MYLK: variants seen among roughly 807,000 people sequenced by gnomAD.
MYLK encodes the protein myosin light chain kinase, smooth muscle.
A neutral mutation model predicts 203.4 loss-of-function variants in MYLK; 106 were observed. That is an observed-to-expected ratio of 0.52 (90% CI 0.45 to 0.61). The LOEUF (loss-of-function observed/expected upper bound fraction) is 0.61. MYLK is among the 20% of genes least tolerant of loss of function. The probability of loss-of-function intolerance (pLI) is 0.00; values close to 1 mark genes in which losing one functional copy is unlikely to be tolerated. For synonymous variants in MYLK, 867 were observed against 959.5 expected (o/e 0.90, Z 1.78); for missense variants, 2,072 against 2,442.3 (o/e 0.85, Z 3.20).
At chr3:123,618,601 C>T in intron 33 of MYLK, 38 bp downstream of exon 33, 4 of 1,613,012 alleles carry the variant, frequency 2.5e-6, no homozygotes, top group Non-Finnish European at 3.4e-6. Flanking sequence ...TCCAGCCACA[C>T]CCTATTCATG....
At chr3:123,682,922 G>C (rs1018364962) in intron 19 of MYLK, among the ~76,000 whole-genome samples, 3 of 152,164 alleles carry the variant, frequency 2.0e-5, no homozygotes, top group Admixed American at 6.5e-5. Flanking sequence ...CAGTGAAGCT[G>C]GGCACAGCTG....
chr3:123,663,028 A>G (rs1012553872), intron 23 of MYLK, among the ~76,000 whole-genome samples: 1 of 152,242 alleles, frequency 6.6e-6, no homozygotes, highest in Non-Finnish European at 1.5e-5. Context: ...AAAGGCTTTC[A>G]CATGCACAAC....
intron 28 of MYLK, 77 bp from the exon 29 acceptor site, chr3:123,638,271 T>A: frequency 6.2e-7 from 1 of 1,601,976 alleles, no homozygotes; most frequent in Admixed American, 1.7e-5. Flanking sequence ...CCCGAATCTG[T>A]GTGTTGACCC....
rs368982099 is a variant in MYLK, at chr3:123,761,269, T to C, written c.166-8731A>G. Among the ~76,000 whole-genome samples, 26 of 152,358 alleles carry C rather than the reference T, an allele frequency of 1.7e-4. No homozygotes were observed. In the South Asian group the frequency reaches 5.4e-3, roughly 32 times the overall value. On this transcript the variant is annotated intron_variant, in intron 4 of 33. Transcript: ENST00000360304. ...AAAGCAAGGGTGGGCAAAAGTGACC[T>C]GAGGGTCTCAACACCCTGAGAACAT...
intron 17 of MYLK, 30 bp downstream of exon 17, chr3:123,701,408 C>T: frequency 6.2e-7 from 1 of 1,611,980 alleles, no homozygotes; most frequent in Non-Finnish European, 8.5e-7. Context: ...GGGGGCATGG[C>T]CTGGAGGGGC....
At chr3:123,711,345 T>G (rs2061685035) in intron 13 of MYLK, among the ~76,000 whole-genome samples, 1 of 152,230 alleles carries the variant, frequency 6.6e-6, no homozygotes, top group South Asian at 2.1e-4. Flanking sequence ...TAAGTCTCCA[T>G]AGTTTATTGT....
intron 3 of MYLK, among the ~76,000 whole-genome samples, chr3:123,807,290 G>A (rs1015407021): frequency 1.3e-5 from 2 of 152,064 alleles, no homozygotes; most frequent in Non-Finnish European, 2.9e-5. Context: ...TCAGCTGGGT[G>A]TGGTGGCAGG....
chr3:123,821,862 G>T (rs2065949288), intron 3 of MYLK, among the ~76,000 whole-genome samples: 1 of 152,146 alleles, frequency 6.6e-6, no homozygotes, highest in Non-Finnish European at 1.5e-5. Flanking sequence ...GGGTTGCTGT[G>T]GTTTGAATGT....
At chr3:123,659,651 C>A (rs1338311547) in intron 23 of MYLK, 1 of 517,330 alleles carries the variant, frequency 1.9e-6, no homozygotes, top group Admixed American at 1.9e-5. Context: ...GCTATGAGCC[C>A]CATGCAGTGG....
chr3:123,637,303 C>T (rs537055642), intron 29 of MYLK, among the ~76,000 whole-genome samples: 1 of 152,104 alleles, frequency 6.6e-6, no homozygotes, highest in Non-Finnish European at 1.5e-5. Context: ...ACTCAGAGCG[C>T]AGTCGTTGAA....
intron 4 of MYLK, among the ~76,000 whole-genome samples, chr3:123,773,887 A>G (rs1411565169): frequency 6.6e-6 from 1 of 152,210 alleles, no homozygotes; most frequent in East Asian, 1.9e-4. Context: ...TAATTTCAAG[A>G]CCTGGAAGAA....
chr3:123,656,991 A>G, intron 24 of MYLK, 135 bp downstream of exon 24: 2 of 994,832 alleles, frequency 2.0e-6, no homozygotes, highest in East Asian at 4.9e-5. Flanking sequence ...TTGGAAACCA[A>G]GACCCCAAAA....
At position 123,610,089 on chromosome 3, in the gene MYLK, C is replaced by G. The variant is rs1217441600; in HGVS notation, c.*4016G>C. 5.9e-5 allele frequency: 9 copies of G among 152,158 alleles called. No individual in the cohort carries two copies. The highest frequency in any genetic ancestry group is 2.2e-4 in the African/African-American group (9 of 41,432). 9.4% of individuals were successfully genotyped at this position (152,158 alleles called of 1,614,324 possible). On this transcript the variant is annotated 3_prime_UTR_variant, in exon 34 of 34. Coordinates refer to ENST00000360304, the MANE Select transcript of MYLK (RefSeq NM_053025.4). ...ATATTATCCAATACAATTGATGAAACTATAGACCATACTCTCTAGACTTTC... is the reference window on the plus strand; with the variant it reads ...ATATTATCCAATACAATTGATGAAAGTATAGACCATACTCTCTAGACTTTC...
At chr3:123,759,114 T>C (rs2063453324) in intron 4 of MYLK, among the ~76,000 whole-genome samples, 1 of 152,218 alleles carries the variant, frequency 6.6e-6, no homozygotes, top group Non-Finnish European at 1.5e-5. Flanking sequence ...CATGAGACAC[T>C]GTGCCTGGCC....
intron 3 of MYLK, among the ~76,000 whole-genome samples, chr3:123,823,789 GC>G (rs2066017960): frequency 6.6e-6 from 1 of 152,054 alleles, no homozygotes; most frequent in Admixed American, 6.5e-5. Context: ...CTGGCTCACT[GC>G]CCCAAACTCA....
Position 123,611,282 on chromosome 3 carries a change from A to G in MYLK, c.*2823T>C, listed in dbSNP as rs2107791694. 1 of 152,340 alleles carries G rather than the reference A, an allele frequency of 6.6e-6. No individual in the cohort carries two copies. The highest frequency in any genetic ancestry group is 1.9e-4 in the East Asian group (1 of 5,184). The allele number at this position is 152,340 out of a possible 1,614,324, so 9.4% of individuals were successfully genotyped here. On this transcript the variant is annotated 3_prime_UTR_variant, in exon 34 of 34. Transcript: ENST00000360304. Reference sequence around the variant, plus strand: ...CATCTGAAGACATGGGGAACTTGCCATCTGATATCTGATAACAGACTTCCT... The same window carrying G: ...CATCTGAAGACATGGGGAACTTGCCGTCTGATATCTGATAACAGACTTCCT...
chr3:123,770,606 G>C (rs117819988), intron 4 of MYLK, among the ~76,000 whole-genome samples: 1 of 152,348 alleles, frequency 6.6e-6, no homozygotes, highest in East Asian at 1.9e-4. Flanking sequence ...GCGGCTCAAG[G>C]TGTGTGAGGG....
At chr3:123,881,304 C>T (rs2033520635) in intron 1 of MYLK, among the ~76,000 whole-genome samples, 1 of 152,188 alleles carries the variant, frequency 6.6e-6, no homozygotes, top group African/African-American at 2.4e-5. Context: ...TCCACATGGA[C>T]ATTTTCCATG....
intron 31 of MYLK, chr3:123,623,573 G>T (rs2057986664): frequency 6.6e-6 from 1 of 152,042 alleles, no homozygotes; most frequent in Non-Finnish European, 1.5e-5. Flanking sequence ...GGCTTTTTAT[G>T]AAAACCACAC....
Sources: gnomAD v4.1 joint callset for allele counts (sites outside exome capture counted in the v4.1 genomes callset) on GRCh38, gnomAD v4.1.1 for gene constraint, MANE v1.5 for transcripts, NCBI Gene and HGNC (gene_info 2026-07-23, HGNC 2026-07-21) for gene names.